Variants in LEUTX observed in about 807,000 individuals in gnomAD.
The protein encoded by LEUTX is paired-like homeodomain transcription factor LEUTX.
A neutral mutation model predicts 4.5 loss-of-function variants in LEUTX; 5 were observed. That is an observed-to-expected ratio of 1.11 (90% CI 0.58 to 2.34). The LOEUF is 2.34. Among genes scored for constraint, LEUTX ranks in the 30% most tolerant of loss-of-function variants. LEUTX has a pLI of 0.01. For missense variants in LEUTX, 233 were observed against 239.4 expected (o/e 0.97, Z 0.18); for synonymous variants, 89 against 85.1 (o/e 1.05, Z -0.25).
chr19:39,785,991 A>G lies in LEUTX; in HGVS notation c.453A>G (p.Ser151=). ...TTGAACAGATATGTCTGGGGGCTTC[A>G]AATCCTCCTTGGGCCTCCACTCTCT... ...YDIEQICLGA[S]NPPWASTLFE... Residue 151 remains serine, a synonymous_variant, in exon 3 of 3, where the codon TCA becomes TCG. Coordinates refer to ENST00000638280, the MANE Select transcript of LEUTX (RefSeq NM_001382345.1). 1 of 1,551,724 alleles carries G rather than the reference A, an allele frequency of 6.4e-7. No individual in the cohort carries two copies. The highest frequency in any genetic ancestry group is 2.4e-5 in the East Asian group (1 of 40,926).
intron 1 of LEUTX, among the ~76,000 whole-genome samples, chr19:39,783,261 TTA>T (rs908828144): frequency 2.2e-4 from 32 of 146,406 alleles, no homozygotes; most frequent in Admixed American, 5.5e-4. Flanking sequence ...TATATATAAA[TTA>T]TATATATATA....
intron 1 of LEUTX, among the ~76,000 whole-genome samples, chr19:39,783,832 T>A (rs1041112666): frequency 1.7e-4 from 26 of 152,144 alleles, no homozygotes; most frequent in African/African-American, 6.0e-4. Context: ...GATGGAATTG[T>A]TTGGTTTTTT....
chr19:39,783,849 T>C (rs1319200630), intron 1 of LEUTX, among the ~76,000 whole-genome samples: 1 of 152,090 alleles, frequency 6.6e-6, no homozygotes, highest in Non-Finnish European at 1.5e-5. Flanking sequence ...TTTTTCTTGC[T>C]AATTTGTTTG....
chr19:39,779,101 C>G lies in LEUTX; in HGVS notation c.7+174C>G, dbSNP rs577031883. Among the ~76,000 whole-genome samples the G allele has an allele frequency of 6.6e-4, 100 of 152,226 alleles. 1 individual carries two copies. The highest frequency in any genetic ancestry group is 5.6e-3 in the South Asian group (27 of 4,816). On this transcript the variant is annotated intron_variant, in intron 1 of 2. Transcript: ENST00000638280. ...AACACTTTGCAAGGGATTCTAGTAA[C>G]TTAGGAATTTGTTTCTCCACATCTC...
upstream of LEUTX, chr19:39,776,818 T>C (rs1326984433): frequency 2.6e-6 from 1 of 378,160 alleles, no homozygotes; most frequent in Non-Finnish European, 5.2e-6. Flanking sequence ...GAGGCGGAGG[T>C]TGCACTGAGC....
At chr19:39,777,725 G>A (rs1298629150), upstream of LEUTX, among the ~76,000 whole-genome samples, 1 of 152,162 alleles carries the variant, frequency 6.6e-6, no homozygotes, top group African/African-American at 2.4e-5. Flanking sequence ...AAGGCTGGAC[G>A]ATCTCTTGAG....
At chr19:39,776,749 C>G, upstream of LEUTX, 2 of 448,198 alleles carry the variant, frequency 4.5e-6, no homozygotes, top group Non-Finnish European at 8.9e-6. Context: ...GGTGCAGTTG[C>G]TCATTCCTGT....
At chr19:39,780,610 G>A (rs1024776328) in intron 1 of LEUTX, among the ~76,000 whole-genome samples, 2 of 152,062 alleles carry the variant, frequency 1.3e-5, no homozygotes, top group Admixed American at 1.3e-4. Flanking sequence ...CCTGAGCAGA[G>A]ATCTTATTTT....
At chr19:39,780,625 C>T (rs866147236) in intron 1 of LEUTX, among the ~76,000 whole-genome samples, 13 of 151,952 alleles carry the variant, frequency 8.6e-5, no homozygotes, top group African/African-American at 1.9e-4. Flanking sequence ...TATTTTTTTC[C>T]GACCTTTTCA....
intron 2 of LEUTX, among the ~76,000 whole-genome samples, chr19:39,784,949 T>A (rs1212975315): frequency 6.6e-6 from 1 of 152,190 alleles, no homozygotes; most frequent in Non-Finnish European, 1.5e-5. Flanking sequence ...TACACAGGAC[T>A]CTTTGAGGCT....
At chr19:39,779,476 T>G (rs182256371) in intron 1 of LEUTX, among the ~76,000 whole-genome samples, 2 of 152,344 alleles carry the variant, frequency 1.3e-5, no homozygotes, top group African/African-American at 4.8e-5. Flanking sequence ...CTATGCTAAT[T>G]TTTATATTTA....
chr19:39,784,539 G>A lies in LEUTX; in HGVS notation c.20G>A (p.Arg7His), dbSNP rs765232053. 4.1e-5 allele frequency: 45 copies of A among 1,100,784 alleles called. No individual in the cohort carries two copies. The highest frequency in any genetic ancestry group is 2.3e-4 in the East Asian group (9 of 38,844). 68.2% of individuals were successfully genotyped at this position (1,100,784 alleles called of 1,614,324 possible). Residue 7 changes from arginine (R) to histidine (H), a missense_variant, in exon 2 of 3, where the codon CGT becomes CAT. By Grantham distance (29) the Arg-to-His change is conservative (BLOSUM62 0). Transcript: ENST00000638280. ...GTTCCCTCTGCAGAAGGGCCAAGGC[G>A]TTATCGTCGGCCACGCACAAGATTT... MFEGPR[R>H]YRRPRTRFLS...
In LEUTX at chr19:39,786,276, A is replaced by C; in HGVS notation, c.*141A>C. Reference sequence around the variant, plus strand: ...TTTCTGTAGAAAAAACAATAAAGGAACTCCCCTACCTTTCATCATTGCCTG... The same window carrying C: ...TTTCTGTAGAAAAAACAATAAAGGACCTCCCCTACCTTTCATCATTGCCTG... On this transcript the variant is annotated 3_prime_UTR_variant, in exon 3 of 3. Transcript: ENST00000638280. The C allele has an allele frequency of 4.8e-6, 3 of 618,982 alleles. No homozygotes were observed. The highest frequency in any genetic ancestry group is 3.3e-5 in the South Asian group (1 of 30,244). The allele number at this position is 618,982 out of a possible 1,614,324, so 38.3% of individuals were successfully genotyped here. A position where few individuals can be genotyped will look rare whatever the true frequency, so the allele number is the denominator to read the frequency against.
chr19:39,779,166 GGCCTCGA>G (rs1456685525), intron 1 of LEUTX, among the ~76,000 whole-genome samples: 1 of 152,112 alleles, frequency 6.6e-6, no homozygotes, highest in Non-Finnish European at 1.5e-5. Flanking sequence ...TGCCCAGGCT[GGCCTCGA>G]GCTCCTAGGC....
chr19:39,777,272 C>A (rs191312760), upstream of LEUTX, among the ~76,000 whole-genome samples: 3 of 152,278 alleles, frequency 2.0e-5, no homozygotes, highest in Non-Finnish European at 1.5e-5. Context: ...ATCAGAACTG[C>A]GTATTGTCTT....
intron 1 of LEUTX, among the ~76,000 whole-genome samples, chr19:39,781,289 G>A (rs1568514660): frequency 6.6e-6 from 1 of 152,140 alleles, no homozygotes; most frequent in African/African-American, 2.4e-5. Flanking sequence ...GTTTTTCCAT[G>A]TATTTGCATG....
chr19:39,785,166 T>A (rs1462972209), intron 2 of LEUTX, among the ~76,000 whole-genome samples: 3 of 152,142 alleles, frequency 2.0e-5, no homozygotes. Context: ...GCACCAGGAA[T>A]GGTGGCTCAC....
In LEUTX at chr19:39,786,035, T is replaced by C; in HGVS notation, c.497T>C (p.Val166Ala). The C allele has an allele frequency of 6.4e-7, 1 of 1,551,722 alleles. No homozygotes were observed. Among genetic ancestry groups the C allele is most frequent in the Non-Finnish European group, 8.7e-7 (1 of 1,146,978 alleles). The change falls in exon 3 of 3, where the codon GTA becomes GCA. Residue 166 changes from valine to alanine, a missense_variant. Val to Ala is a moderately conservative substitution (Grantham distance 64, BLOSUM62 0). Coordinates refer to ENST00000638280, the MANE Select transcript of LEUTX (RefSeq NM_001382345.1). Reference sequence around the variant, plus strand: ...ACTCTCTTTGAAATAGATGAATTTGTAAAGATCTATGACTTGCCAGGGGAA... The same window carrying C: ...ACTCTCTTTGAAATAGATGAATTTGCAAAGATCTATGACTTGCCAGGGGAA... Reference protein sequence around the residue: ...ASTLFEIDEFVKIYDLPGEDD... With the variant: ...ASTLFEIDEFAKIYDLPGEDD...
chr19:39,776,457 TG>T (rs1285247447), upstream of LEUTX: 1 of 347,786 alleles, frequency 2.9e-6, no homozygotes, highest in Non-Finnish European at 5.7e-6. Context: ...GCTCCGGGAG[TG>T]CTGCCGCACC....
Sources: allele counts gnomAD v4.1 joint callset (sites outside exome capture counted in the v4.1 genomes callset), GRCh38; gene constraint gnomAD v4.1.1; transcripts MANE v1.5; gene names NCBI Gene and HGNC (gene_info 2026-07-23, HGNC 2026-07-21).